The following DNAH14 variants were observed in gnomAD, a reference collection of about 807,000 sequenced individuals.
DNAH14 encodes the protein dynein axonemal heavy chain 14, also known as axonemal beta dynein heavy chain 14.
In DNAH14, 478 loss-of-function variants were observed where a neutral mutation model predicts 520.9. The ratio of observed to expected loss-of-function variants is 0.92; its 90% confidence interval spans 0.85 to 0.99. The LOEUF (loss-of-function observed/expected upper bound fraction) is 0.99. Among genes scored for constraint, DNAH14 ranks in the 50% least tolerant of loss-of-function variants. The probability of loss-of-function intolerance (pLI) is 0.00; values close to 1 mark genes in which losing one functional copy is unlikely to be tolerated. For synonymous variants in DNAH14, 1,581 were observed against 1,757.2 expected, an observed-to-expected ratio of 0.90 and a Z score of 2.51; for missense variants, 4,831 against 5,234.5, an observed-to-expected ratio of 0.92 and a Z score of 2.38.
At chr1:225,266,277 C>T (rs1446573928) in intron 48 of DNAH14, among the ~76,000 whole-genome samples, 1 of 152,114 alleles carries the variant, frequency 6.6e-6, no homozygotes, top group Non-Finnish European at 1.5e-5. Context: ...ATAGTAGGCA[C>T]TCAGTAAGTA....
At chr1:225,098,593 G>T (rs926768105) in intron 22 of DNAH14, among the ~76,000 whole-genome samples, 1 of 152,118 alleles carries the variant, frequency 6.6e-6, no homozygotes, top group Non-Finnish European at 1.5e-5. Flanking sequence ...GCTTTGTGGG[G>T]AACAATATCC....
At chr1:225,031,963 G>A (rs1031154342) in intron 11 of DNAH14, among the ~76,000 whole-genome samples, 10 of 151,684 alleles carry the variant, frequency 6.6e-5, no homozygotes, top group South Asian at 2.1e-4. Flanking sequence ...GAGTTCCCTC[G>A]GTTTTTAATT....
At chr1:225,311,071 A>G (rs1574682736) in intron 60 of DNAH14, among the ~76,000 whole-genome samples, 1 of 152,348 alleles carries the variant, frequency 6.6e-6, no homozygotes, top group East Asian at 1.9e-4. Flanking sequence ...CCAACAGGGT[A>G]AAAGCGTTCC....
chr1:225,061,366 C>T (rs1017317172), intron 17 of DNAH14, among the ~76,000 whole-genome samples: 1 of 152,220 alleles, frequency 6.6e-6, no homozygotes, highest in South Asian at 2.1e-4. Flanking sequence ...ATTGGAAAAG[C>T]ACAGTATTAG....
At chr1:225,118,886 C>CAAA (rs35262847) in intron 25 of DNAH14, among the ~76,000 whole-genome samples, 1,038 of 74,558 alleles carry the variant, frequency 0.014, 26 homozygotes, top group African/African-American at 0.038. Context: ...CTCTCTGTCT[C>CAAA]AAAAAAAAAA....
intron 44 of DNAH14, among the ~76,000 whole-genome samples, chr1:225,254,354 T>C (rs1458729569): frequency 6.6e-6 from 1 of 151,854 alleles, no homozygotes; most frequent in Non-Finnish European, 1.5e-5. Flanking sequence ...ACAGAAAAAA[T>C]CCTGAAATAC....
At chr1:225,177,553 A>G (rs77091309) in intron 36 of DNAH14, among the ~76,000 whole-genome samples, 2,811 of 152,174 alleles carry the variant, frequency 0.018, 30 homozygotes, top group Non-Finnish European at 0.027. Context: ...AGGAAGAAAA[A>G]ATGGTTTCGT....
chr1:225,337,594 A>G (rs372133344), intron 67 of DNAH14, 98 bp downstream of exon 67: 1 of 933,186 alleles, frequency 1.1e-6, no homozygotes, highest in Admixed American at 2.3e-5. Flanking sequence ...GATAACTGTC[A>G]GGGAAAAAAT....
chr1:225,340,889 C>T lies in DNAH14; in HGVS notation c.10678+188C>T, dbSNP rs188775337. ...TGAATTTTGGTGTCCCTCAGTTCCACTTTTGCTTCAGCTCATTGTGTTGTA... is the reference window on the plus strand; with the variant it reads ...TGAATTTTGGTGTCCCTCAGTTCCATTTTTGCTTCAGCTCATTGTGTTGTA... On this transcript the variant is annotated intron_variant, in intron 69 of 85. Coordinates refer to ENST00000682510, the MANE Select transcript of DNAH14 (RefSeq NM_001367479.1). Among the ~76,000 whole-genome samples the T allele has an allele frequency of 6.5e-4, 99 of 152,294 alleles. 1 individual carries two copies. The highest frequency in any genetic ancestry group is 1.9e-3 in the Admixed American group (29 of 15,302).
Position 225,021,771 on chromosome 1 carries a change from CA to C in DNAH14, c.1108-1834del, listed in dbSNP as rs999936494. Among the ~76,000 whole-genome samples, 9 of 148,542 alleles carry C rather than the reference CA, an allele frequency of 6.1e-5. No homozygotes were observed. In the East Asian group the frequency reaches 7.8e-4, roughly 13 times the overall value. On this transcript the variant is annotated intron_variant, in intron 10 of 85. Transcript: ENST00000682510. ...ATTACCAACATCATTTTTCACAATTCAAAAAAAAAACTATTCTAAAATTTGT... is the reference window on the plus strand; with the variant it reads ...ATTACCAACATCATTTTTCACAATTCAAAAAAAAACTATTCTAAAATTTGT...
chr1:225,323,362 T>C (rs2094590041), intron 62 of DNAH14, among the ~76,000 whole-genome samples: 1 of 152,252 alleles, frequency 6.6e-6, no homozygotes, highest in Non-Finnish European at 1.5e-5. Flanking sequence ...TTTAAAAGTT[T>C]CTTTTTAAAA....
At chr1:225,255,823 AAAAG>A (rs2092712119) in intron 44 of DNAH14, among the ~76,000 whole-genome samples, 1 of 152,172 alleles carries the variant, frequency 6.6e-6, no homozygotes, top group Non-Finnish European at 1.5e-5. Flanking sequence ...TAAAGAAATA[AAAAG>A]AAAGATAGAA....
intron 28 of DNAH14, among the ~76,000 whole-genome samples, chr1:225,142,411 C>T (rs1423786670): frequency 6.6e-6 from 1 of 152,184 alleles, no homozygotes; most frequent in African/African-American, 2.4e-5. Flanking sequence ...ACCAAACATA[C>T]TAGCAGCTCA....
At chr1:224,994,106 T>A (rs1166348004) in intron 8 of DNAH14, among the ~76,000 whole-genome samples, 4 of 152,074 alleles carry the variant, frequency 2.6e-5, no homozygotes, top group Non-Finnish European at 5.9e-5. Context: ...TAACATGTGA[T>A]CTCTCCTGGA....
chr1:224,995,419 T>C (rs2063330688), intron 8 of DNAH14, among the ~76,000 whole-genome samples: 1 of 152,088 alleles, frequency 6.6e-6, no homozygotes, highest in Non-Finnish European at 1.5e-5. Context: ...CTGCTGATTG[T>C]TATACTGGGA....
intron 38 of DNAH14, 83 bp from the exon 39 acceptor site, chr1:225,204,100 A>C: frequency 1.5e-6 from 1 of 687,598 alleles, no homozygotes; most frequent in South Asian, 3.0e-5. Context: ...TTATCACTCA[A>C]GAAAGCATAT....
In DNAH14 at chr1:225,337,246, T is replaced by C; in HGVS notation, c.10081-20T>C. 1 of 1,536,890 alleles carries C rather than the reference T, an allele frequency of 6.5e-7. No individual in the cohort carries two copies. On this transcript the variant is annotated intron_variant, in intron 66 of 85. Transcript: ENST00000682510. ...GAAGACATTTACAAAATAGTGAAAG[T>C]ACTAATAATTTCATTGCAGATCAGC... is the stretch of plus-strand genomic sequence containing the variant.
intron 3 of DNAH14, among the ~76,000 whole-genome samples, chr1:224,956,472 G>A (rs568528589): frequency 1.3e-5 from 2 of 152,090 alleles, no homozygotes; most frequent in South Asian, 2.1e-4. Context: ...GTACAGAAAC[G>A]TGCTATACAG....
At chr1:224,930,721 C>T (rs765429054) in intron 1 of DNAH14, among the ~76,000 whole-genome samples, 1 of 152,130 alleles carries the variant, frequency 6.6e-6, no homozygotes, top group Non-Finnish European at 1.5e-5. Flanking sequence ...CCTCAGCCTC[C>T]GGAGTAGCTG....
Sources: gnomAD v4.1 joint callset for allele counts (sites outside exome capture counted in the v4.1 genomes callset) on GRCh38, gnomAD v4.1.1 for gene constraint, MANE v1.5 for transcripts, NCBI Gene and HGNC (gene_info 2026-07-23, HGNC 2026-07-21) for gene names.